RREB1: variants seen among roughly 807,000 people sequenced by gnomAD.
RREB1 encodes the protein ras responsive element binding protein 1.
RREB1 carries 27 observed loss-of-function variants against 117.8 expected under a neutral mutation model. That is an observed-to-expected ratio of 0.23 (90% CI 0.17 to 0.32). The LOEUF (loss-of-function observed/expected upper bound fraction) is 0.32, where lower values mean the gene tolerates loss of function less well. RREB1 is among the 10% of genes least tolerant of loss of function. The pLI, the probability that RREB1 is intolerant of heterozygous loss-of-function variation, is 1.00. For missense variants in RREB1, 2,577 were observed against 2,378.2 expected (o/e 1.08, Z -1.74); for synonymous variants, 1,298 against 1,026.7 (o/e 1.26, Z -5.05).
At chr6:7,113,138 G>C (rs1245679278) in intron 1 of RREB1, among the ~76,000 whole-genome samples, 1 of 50,334 alleles carries the variant, frequency 2.0e-5, no homozygotes, top group South Asian at 4.1e-4. Flanking sequence ...TGAAGTCCGG[G>C]GACTGGGGAC....
At chr6:7,226,356 A>G (rs183063829) in intron 8 of RREB1, 111 bp from the exon 9 acceptor site, 449 of 737,686 alleles carry the variant, frequency 6.1e-4, no homozygotes, top group Admixed American at 3.9e-3. Flanking sequence ...ATTTTACTCA[A>G]TTGAAATGAA....
chr6:7,212,920 G>A (rs974498010), intron 8 of RREB1: 13 of 152,140 alleles, frequency 8.5e-5, no homozygotes, highest in Admixed American at 5.9e-4. Context: ...AGGAACTTAC[G>A]AAGAATTTAA....
chr6:7,142,340 A>T (rs1403286960), intron 1 of RREB1, among the ~76,000 whole-genome samples: 2 of 150,048 alleles, frequency 1.3e-5, no homozygotes, highest in Non-Finnish European at 3.0e-5. Context: ...TGCCCTTCCC[A>T]GCTGCGCTGC....
At chr6:7,151,159 C>A (rs1453807936) in intron 1 of RREB1, among the ~76,000 whole-genome samples, 1 of 152,146 alleles carries the variant, frequency 6.6e-6, no homozygotes, top group Non-Finnish European at 1.5e-5. Flanking sequence ...AAAGCTTTGC[C>A]CCCTTCACGT....
chr6:7,245,539 CTGTT>C (rs1158924631), intron 11 of RREB1, among the ~76,000 whole-genome samples: 1 of 152,218 alleles, frequency 6.6e-6, no homozygotes, highest in African/African-American at 2.4e-5. Context: ...CCTTTTGACA[CTGTT>C]TGATGTGAAT....
In RREB1 at chr6:7,188,343, T is replaced by C. The variant is rs9505066; in HGVS notation, c.262-816T>C. Among the ~76,000 whole-genome samples, 671 of 151,954 alleles carry C rather than the reference T, an allele frequency of 4.4e-3. 5 individuals are homozygous for C. The highest frequency in any genetic ancestry group is 0.017 in the Middle Eastern group (5 of 294). On this transcript the variant is annotated intron_variant, in intron 5 of 12. Transcript: ENST00000379938. ...TCAGCTCACTGCAACCTCTGCCTCC[T>C]GAGTTCACGTGATTCTCCTGCCTTA...
At chr6:7,135,201 A>G (rs1021726740) in intron 1 of RREB1, among the ~76,000 whole-genome samples, 1 of 152,220 alleles carries the variant, frequency 6.6e-6, no homozygotes, top group African/African-American at 2.4e-5. Context: ...CCATCTCTAA[A>G]ATGGGTAGAA....
chr6:7,196,431 T>C (rs962651840), intron 6 of RREB1, among the ~76,000 whole-genome samples: 15 of 151,886 alleles, frequency 9.9e-5, no homozygotes, highest in African/African-American at 3.6e-4. Flanking sequence ...TTTTGTAGAG[T>C]TTCCTTTATC....
chr6:7,118,910 A>G (rs1244918944), intron 1 of RREB1, among the ~76,000 whole-genome samples: 2 of 146,176 alleles, frequency 1.4e-5, no homozygotes, highest in Non-Finnish European at 3.0e-5. Flanking sequence ...CGGCCTCCCA[A>G]AGTGATGGGA....
Position 7,230,320 on chromosome 6 carries a change from G to A in RREB1, c.2221G>A (p.Ala741Thr), listed in dbSNP as rs142616407. The A allele has an allele frequency of 8.7e-5, 138 of 1,588,666 alleles. No individual in the cohort carries two copies. The African/African-American group carries it at 1.7e-3, about 19-fold the overall frequency. ...GAACATCGAGTATGTGAGTAGCAGC[G>A]CGGCCGAGCTGGTGGACGCCTTCTG... Reference protein sequence around the residue: ...EKNIEYVSSSAAELVDAFCAP... With the variant: ...EKNIEYVSSSTAELVDAFCAP... Residue 741 changes from alanine to threonine, a missense_variant, in exon 10 of 13, where the codon GCG (alanine) becomes ACG (threonine). Ala to Thr is a moderately conservative substitution (Grantham distance 58). Transcript: ENST00000379938.
chr6:7,208,473 A>T (rs1766396639), intron 6 of RREB1, among the ~76,000 whole-genome samples: 1 of 152,224 alleles, frequency 6.6e-6, no homozygotes, highest in South Asian at 2.1e-4. Context: ...AAGCGGCTGG[A>T]AGGACAAAGC....
chr6:7,230,988 G>C lies in RREB1; in HGVS notation c.2889G>C (p.Ala963=). 1 of 1,614,080 alleles carries C rather than the reference G, an allele frequency of 6.2e-7. No individual in the cohort carries two copies. Among genetic ancestry groups the C allele is most frequent in the Non-Finnish European group, 8.5e-7 (1 of 1,179,988 alleles). The change falls in exon 10 of 13, where the codon GCG becomes GCC. Residue 963 remains alanine, a synonymous_variant. Transcript: ENST00000379938. ...AAGCCAAGAAGCCTGAGGAGGAGGC[G>C]GGGAGCAGCGAGCAGCCCTCTCCCT... The part of the protein sequence containing the change: ...PSEAKKPEEE[A]GSSEQPSPCP...
Position 7,128,247 on chromosome 6 carries a change from C to T in RREB1, c.-285+20187C>T, listed in dbSNP as rs185561483. ...CAGATTGTTTCATTTTATGATTTTC[C>T]GAATTGTTGGCGAACATTTTTTGTT... is the stretch of plus-strand genomic sequence containing the variant. On this transcript the variant is annotated intron_variant, in intron 1 of 12. Transcript: ENST00000379938. 3.6e-3 allele frequency among the ~76,000 whole-genome samples: 554 copies of T among 152,178 alleles called. 26 individuals carry two copies. The highest frequency in any genetic ancestry group is 0.034 in the Admixed American group (527 of 15,282).
rs749280547 is a variant in RREB1 at position 7,207,823 on chromosome 6, G to A, written c.426-2981G>A. 2.4e-4 allele frequency among the ~76,000 whole-genome samples: 37 copies of A among 152,206 alleles called. 1 individual carries two copies. The highest frequency in any genetic ancestry group is 4.1e-4 in the Non-Finnish European group (28 of 68,050). On this transcript the variant is annotated intron_variant, in intron 6 of 12. Coordinates refer to ENST00000379938, the MANE Select transcript of RREB1 (RefSeq NM_001003699.4). Reference sequence around the variant, plus strand: ...CTTACACTATTTGAAGAGCTGCCACGCAGATGAGAACATGGACTGATGTTA... The same window carrying A: ...CTTACACTATTTGAAGAGCTGCCACACAGATGAGAACATGGACTGATGTTA...
chr6:7,208,395 C>T (rs927742841), intron 6 of RREB1, among the ~76,000 whole-genome samples: 6 of 152,194 alleles, frequency 3.9e-5, no homozygotes, highest in Admixed American at 1.3e-4. Flanking sequence ...CAGACCTGGC[C>T]GGACCCCTCC....
At chr6:7,147,901 A>G (rs919302214) in intron 1 of RREB1, among the ~76,000 whole-genome samples, 1 of 152,208 alleles carries the variant, frequency 6.6e-6, no homozygotes, top group African/African-American at 2.4e-5. Flanking sequence ...ATTCATTCCA[A>G]ACTATTATTG....
chr6:7,240,980 A>C (rs530651384), intron 11 of RREB1, among the ~76,000 whole-genome samples: 5 of 152,106 alleles, frequency 3.3e-5, no homozygotes, highest in Non-Finnish European at 5.9e-5. Flanking sequence ...TGAAACCTAA[A>C]GGTTTGGGGA....
At chr6:7,169,158 T>C (rs1307610767) in intron 1 of RREB1, among the ~76,000 whole-genome samples, 1 of 152,250 alleles carries the variant, frequency 6.6e-6, no homozygotes, top group Non-Finnish European at 1.5e-5. Flanking sequence ...TGTGGAGGCC[T>C]CTTCCTACCC....
rs768114204 is a variant in RREB1, at chr6:7,229,834, C to T, written c.1735C>T (p.Leu579=). 3.1e-6 allele frequency: 5 copies of T among 1,610,472 alleles called. No individual in the cohort carries two copies. In the Admixed American group the frequency reaches 8.4e-5, roughly 27 times the overall value. The change falls in exon 10 of 13, where the codon CTG becomes TTG. Residue 579 remains leucine (L), a synonymous_variant. Coordinates refer to ENST00000379938, the MANE Select transcript of RREB1 (RefSeq NM_001003699.4). This position sits in a 1 kb window ranked among gnomAD's most constrained non-coding sequence, Gnocchi z 4.5. The part of the protein sequence containing the change: ...TQPHAATRLS[L]QQPRAELPGQ... ...GCCCCACGCGGCCACGCGGCTCTCC[C>T]TGCAGCAGCCGCGGGCGGAGCTGCC...
Sources: allele counts gnomAD v4.1 joint callset (sites outside exome capture counted in the v4.1 genomes callset), GRCh38; gene constraint gnomAD v4.1.1; non-coding constraint Gnocchi (gnomAD v3.1); transcripts MANE v1.5; gene names NCBI Gene and HGNC (gene_info 2026-07-23, HGNC 2026-07-21).